NPL: variants seen among roughly 807,000 people sequenced by gnomAD.
NPL encodes the protein N-acetylneuraminate pyruvate lyase.
A neutral mutation model predicts 41.1 loss-of-function variants in NPL; 32 were observed. The ratio of observed to expected loss-of-function variants is 0.78; its 90% CI spans 0.59 to 1.05. The LOEUF (loss-of-function observed/expected upper bound fraction) is 1.05, where lower values mean the gene tolerates loss of function less well. Ranked by LOEUF, NPL falls within the 50% of genes least tolerant of loss-of-function variation. NPL has a pLI of 0.00. For missense variants in NPL, 321 were observed against 378.4 expected, an observed-to-expected ratio of 0.85 and a Z score of 1.26; for synonymous variants, 128 against 134.9, an observed-to-expected ratio of 0.95 and a Z score of 0.35.
At chr1:182,800,590 C>T (rs978393882) in intron 3 of NPL, among the ~76,000 whole-genome samples, 8 of 152,030 alleles carry the variant, frequency 5.3e-5, no homozygotes, top group Non-Finnish European at 5.9e-5. Context: ...CATCCCAGCC[C>T]AAGGCTGCAA....
At chr1:182,827,223 A>C (rs1667653176) in intron 12 of NPL, among the ~76,000 whole-genome samples, 1 of 152,222 alleles carries the variant, frequency 6.6e-6, no homozygotes, top group South Asian at 2.1e-4. Context: ...TTCTATCTTG[A>C]ATCTGAACGC....
At chr1:182,819,383 T>G (rs1325941514) in intron 10 of NPL, among the ~76,000 whole-genome samples, 2 of 151,102 alleles carry the variant, frequency 1.3e-5, no homozygotes, top group Non-Finnish European at 2.9e-5. Flanking sequence ...AAGGCGGAGG[T>G]TGCAGTGAGC....
intron 5 of NPL, among the ~76,000 whole-genome samples, chr1:182,810,799 G>C (rs545526792): frequency 6.6e-6 from 1 of 151,378 alleles, no homozygotes; most frequent in South Asian, 2.1e-4. Context: ...TGTTTTACCT[G>C]CATGAACTCA....
chr1:182,806,490 C>A, intron 5 of NPL: 2 of 1,536,244 alleles, frequency 1.3e-6, no homozygotes, highest in South Asian at 1.2e-5. Context: ...TACCTGTCTA[C>A]AAGGCCAGTC....
chr1:182,808,504 T>G (rs2102546557), intron 5 of NPL, among the ~76,000 whole-genome samples: 1 of 152,228 alleles, frequency 6.6e-6, no homozygotes, highest in Non-Finnish European at 1.5e-5. Flanking sequence ...ACAAAAAGTT[T>G]TCTGGCAAAG....
intron 5 of NPL, among the ~76,000 whole-genome samples, chr1:182,807,377 T>C (rs1250691369): frequency 3.3e-5 from 5 of 152,134 alleles, no homozygotes; most frequent in Non-Finnish European, 7.4e-5. Flanking sequence ...AGGTTGTCAG[T>C]GTGAAGCCCA....
intron 3 of NPL, among the ~76,000 whole-genome samples, chr1:182,800,084 T>G (rs1042971711): frequency 6.6e-6 from 1 of 152,152 alleles, no homozygotes; most frequent in East Asian, 1.9e-4. Flanking sequence ...CGATCATGGT[T>G]AATGGCCTCT....
chr1:182,825,997 T>C (rs941774362), intron 12 of NPL, 177 bp downstream of exon 12: 1 of 665,868 alleles, frequency 1.5e-6, no homozygotes. Context: ...GTAAACCTAG[T>C]TGGAAAATCT....
intron 10 of NPL, among the ~76,000 whole-genome samples, chr1:182,821,901 C>G (rs1355050299): frequency 6.6e-6 from 1 of 152,148 alleles, no homozygotes; most frequent in Non-Finnish European, 1.5e-5. Context: ...TTCCTTTATC[C>G]CCTTTTGCCT....
At chr1:182,819,555 G>A (rs1383604132) in intron 10 of NPL, among the ~76,000 whole-genome samples, 1 of 151,914 alleles carries the variant, frequency 6.6e-6, no homozygotes, top group Non-Finnish European at 1.5e-5. Flanking sequence ...AGGTGGCAGT[G>A]AGCCAAGATC....
intron 3 of NPL, among the ~76,000 whole-genome samples, chr1:182,799,762 G>A (rs952428697): frequency 6.8e-6 from 1 of 146,042 alleles, no homozygotes; most frequent in Non-Finnish European, 1.5e-5. Flanking sequence ...AAGCCCCAAG[G>A]CATGAATCTA....
At chr1:182,825,043 C>CA (rs1258034578) in intron 11 of NPL, among the ~76,000 whole-genome samples, 2 of 152,106 alleles carry the variant, frequency 1.3e-5, no homozygotes, top group African/African-American at 2.4e-5. Flanking sequence ...AGTCATATGC[C>CA]AAAATCACAG....
chr1:182,807,943 G>A (rs1288397832), intron 5 of NPL, among the ~76,000 whole-genome samples: 1 of 150,500 alleles, frequency 6.6e-6, no homozygotes, highest in East Asian at 2.0e-4. Context: ...AGGGAAGTAG[G>A]CAGAGACAGA....
chr1:182,814,035 C>A (rs1667254511), intron 6 of NPL, among the ~76,000 whole-genome samples: 1 of 152,146 alleles, frequency 6.6e-6, no homozygotes, highest in East Asian at 1.9e-4. Context: ...GAAGGAAGGC[C>A]CTTTTCCCTT....
chr1:182,806,731 AC>A (rs1374985874), intron 5 of NPL, among the ~76,000 whole-genome samples: 1 of 152,084 alleles, frequency 6.6e-6, no homozygotes, highest in African/African-American at 2.4e-5. Flanking sequence ...TAGCCCATAA[AC>A]TTCCATGCAG....
At position 182,822,060 on chromosome 1, in the gene NPL, C is replaced by A. The variant is rs1283358535; in HGVS notation, c.654-55C>A. 6.2e-6 allele frequency: 7 copies of A among 1,135,496 alleles called. No individual in the cohort carries two copies. In the East Asian group the frequency reaches 1.4e-4, roughly 23 times the overall value. 70.3% of individuals were successfully genotyped at this position (1,135,496 alleles called of 1,614,324 possible). Reference sequence around the variant, plus strand: ...TTAAACAGCAGAGGGATTTGAAGATCTGGACCTTTCCTGTTGAGTTATTGA... The same window carrying A: ...TTAAACAGCAGAGGGATTTGAAGATATGGACCTTTCCTGTTGAGTTATTGA... On this transcript the variant is annotated intron_variant, in intron 10 of 12. Coordinates refer to ENST00000367553, the MANE Select transcript of NPL (RefSeq NM_030769.3).
chr1:182,818,830 G>C lies in NPL; in HGVS notation c.624G>C (p.Leu208=), dbSNP rs1402597002. The C allele has an allele frequency of 6.2e-7, 1 of 1,614,026 alleles. No individual in the cohort carries two copies. The highest frequency in any genetic ancestry group is 2.2e-5 in the East Asian group (1 of 44,890). ...CTGATTAGCAACTGTTGAGTGCTCT[G>C]GTGATGGGAGCAACTGGAGCAGTGG... ...FGVDEQLLSA[L]VMGATGAVGS... The change falls in exon 10 of 13, where the codon CTG becomes CTC. Residue 208 remains leucine (L), a synonymous_variant. Transcript: ENST00000367553.
At position 182,806,252 on chromosome 1, in the gene NPL, TA is replaced by T. The variant is rs759420219; in HGVS notation, c.230+25del. 6.2e-7 allele frequency: 1 copy of T among 1,614,032 alleles called. No individual in the cohort carries two copies. The highest frequency in any genetic ancestry group is 1.1e-5 in the South Asian group (1 of 91,060). ...GGACAAGTGAGTGGCTGCATGAGGA[TA>T]AAAATGCCCTTTGGCAACAGCTGTA... is the stretch of plus-strand genomic sequence containing the variant. On this transcript the variant is annotated intron_variant, in intron 5 of 12. Coordinates refer to ENST00000367553, the MANE Select transcript of NPL (RefSeq NM_030769.3).
intron 10 of NPL, among the ~76,000 whole-genome samples, chr1:182,820,633 TG>T (rs1667463885): frequency 6.6e-6 from 1 of 152,164 alleles, no homozygotes; most frequent in African/African-American, 2.4e-5. Context: ...CTTTCAATCA[TG>T]GCGGAAGGCT....
Sources: gnomAD v4.1 joint callset for allele counts (sites outside exome capture counted in the v4.1 genomes callset) on GRCh38, gnomAD v4.1.1 for gene constraint, MANE v1.5 for transcripts, NCBI Gene and HGNC (gene_info 2026-07-23, HGNC 2026-07-21) for gene names.